The following RCBTB2 variants were observed in gnomAD, a reference collection of about 807,000 sequenced individuals.
RCBTB2 encodes RCC1 and BTB domain-containing protein 2.
In RCBTB2, 55 loss-of-function variants were observed where a neutral mutation model predicts 65.4. That is an observed-to-expected ratio of 0.84 (90% CI 0.68 to 1.05). The LOEUF (loss-of-function observed/expected upper bound fraction) is 1.05, where lower values mean the gene tolerates loss of function less well. Among genes scored for constraint, RCBTB2 ranks in the 50% least tolerant of loss-of-function variants. The pLI, the probability that RCBTB2 is intolerant of heterozygous loss-of-function variation, is 0.00. For synonymous variants in RCBTB2, 220 were observed against 255.2 expected, an observed-to-expected ratio of 0.86 and a Z score of 1.31; for missense variants, 599 against 680.1, an observed-to-expected ratio of 0.88 and a Z score of 1.33.
chr13:48,527,713 G>C (rs905607426), intron 1 of RCBTB2, among the ~76,000 whole-genome samples: 1 of 151,938 alleles, frequency 6.6e-6, no homozygotes, highest in Admixed American at 6.6e-5. Flanking sequence ...CTAATTGTAC[G>C]GTTCACTAAT....
At chr13:48,526,716 G>C (rs1298787764) in intron 1 of RCBTB2, among the ~76,000 whole-genome samples, 1 of 150,268 alleles carries the variant, frequency 6.7e-6, no homozygotes, top group Non-Finnish European at 1.5e-5. Context: ...GAAGTTTGGA[G>C]ACCAGCCTGG....
intron 1 of RCBTB2, chr13:48,532,429 G>C (rs115217624): frequency 1.3e-5 from 2 of 152,550 alleles, no homozygotes. Flanking sequence ...GCCGGTGCCC[G>C]GGACCTGGGG....
Position 48,490,047 on chromosome 13 carries a change from A to T in RCBTB2, c.*64T>A. The T allele has an allele frequency of 6.5e-7, 1 of 1,526,820 alleles. No homozygotes were observed. Among genetic ancestry groups the T allele is most frequent in the Non-Finnish European group, 9.1e-7 (1 of 1,102,236 alleles). The allele number at this position is 1,526,820 out of a possible 1,614,324, so 94.6% of individuals were successfully genotyped here. Reference sequence around the variant, plus strand: ...TCATACATACTATTAATTAAAGAGAAGTGATTCATCTCTGGCTTTTGCAGG... The same window carrying T: ...TCATACATACTATTAATTAAAGAGATGTGATTCATCTCTGGCTTTTGCAGG... On this transcript the variant is annotated 3_prime_UTR_variant, in exon 15 of 15. Coordinates refer to ENST00000344532, the MANE Select transcript of RCBTB2 (RefSeq NM_001268.4).
At chr13:48,495,089 GTC>G (rs1205585645) in intron 14 of RCBTB2, among the ~76,000 whole-genome samples, 8 of 152,054 alleles carry the variant, frequency 5.3e-5, no homozygotes, top group Non-Finnish European at 7.4e-5. Flanking sequence ...CTACTAAAAT[GTC>G]TCTGTTTTCT....
At chr13:48,532,966 A>G (rs1052350705) in intron 1 of RCBTB2, 62 bp downstream of exon 1, 2 of 455,248 alleles carry the variant, frequency 4.4e-6, no homozygotes, top group Admixed American at 2.4e-5. Flanking sequence ...GGTACCTGAC[A>G]GCATCCCACG....
rs9332075 is a variant in RCBTB2 at position 48,490,223 on chromosome 13, C to G, written c.1544G>C (p.Cys515Ser). ...QDLEEFCFRF[C>S]INHLTVVTQT... ...TGTTACTACAGTCAGATGGTTTATG[C>G]AAAACCTGAAGCAGAATTCTTCTAA... The change falls in exon 15 of 15, where the codon TGC (cysteine) becomes TCC (serine). Residue 515 changes from cysteine (C) to serine (S), a missense_variant. Cys to Ser is a moderately radical substitution (Grantham distance 112). Coordinates refer to ENST00000344532, the MANE Select transcript of RCBTB2 (RefSeq NM_001268.4). 1.9e-6 allele frequency: 3 copies of G among 1,613,214 alleles called. No individual in the cohort carries two copies. Among genetic ancestry groups the G allele is most frequent in the Admixed American group, 1.7e-5 (1 of 59,962 alleles).
chr13:48,508,913 G>A (rs1950639489), intron 10 of RCBTB2, among the ~76,000 whole-genome samples: 1 of 152,176 alleles, frequency 6.6e-6, no homozygotes, highest in Middle Eastern at 3.2e-3. Context: ...AGCCTTGGGT[G>A]ATCATTCTGG....
At chr13:48,530,454 A>C (rs1003991796) in intron 1 of RCBTB2, among the ~76,000 whole-genome samples, 1 of 152,220 alleles carries the variant, frequency 6.6e-6, no homozygotes, top group Admixed American at 6.5e-5. Flanking sequence ...ATTCCTCTCC[A>C]TCACCCTCTT....
Position 48,527,361 on chromosome 13 carries a change from T to TGATATATATATATGATATA in RCBTB2, c.-218-2605_-218-2604insTATATCATATATATATATC. Among the ~76,000 whole-genome samples the TGATATATATATATGATATA allele has an allele frequency of 4.4e-4, 49 of 112,422 alleles. 2 individuals are homozygous for TGATATATATATATGATATA. The highest frequency in any genetic ancestry group is 2.5e-3 in the African/African-American group (45 of 18,096). 73.8% of individuals were successfully genotyped at this position (112,422 alleles called of 152,430 possible). A position where few individuals can be genotyped will look rare whatever the true frequency, so the allele number is the denominator to read the frequency against. On this transcript the variant is annotated intron_variant, in intron 1 of 14. Coordinates refer to ENST00000344532, the MANE Select transcript of RCBTB2 (RefSeq NM_001268.4). ...TGATATATATATATATGATATATAT[T>TGATATATATATATGATATA]TATATATGATATATATATATGATAT...
intron 9 of RCBTB2, 110 bp downstream of exon 9, chr13:48,511,660 C>G (rs957553285): frequency 1.1e-6 from 1 of 887,534 alleles, no homozygotes; most frequent in Non-Finnish European, 1.7e-6. Context: ...ATGAAGACAT[C>G]CAAGCAGCTA....
chr13:48,510,212 A>C (rs1160512850), intron 10 of RCBTB2, among the ~76,000 whole-genome samples: 1 of 152,220 alleles, frequency 6.6e-6, no homozygotes, highest in Non-Finnish European at 1.5e-5. Flanking sequence ...ATTTCCATGT[A>C]GCTGAGTGAC....
upstream of RCBTB2, among the ~76,000 whole-genome samples, chr13:48,535,252 CCT>C (rs925168630): frequency 1.3e-5 from 2 of 150,606 alleles, no homozygotes; most frequent in Non-Finnish European, 3.0e-5. Context: ...TCCTATTCAT[CCT>C]CTTTTTTTTT....
intron 4 of RCBTB2, among the ~76,000 whole-genome samples, chr13:48,519,082 A>C (rs9331978): frequency 0.036 from 5,514 of 152,202 alleles, 341 homozygotes; most frequent in African/African-American, 0.13. Flanking sequence ...GCACAGGGAG[A>C]CTAAGTAATC....
At chr13:48,532,050 G>A (rs888358678) in intron 1 of RCBTB2, 2 of 152,230 alleles carry the variant, frequency 1.3e-5, no homozygotes, top group African/African-American at 4.8e-5. Context: ...CTCTGACAAG[G>A]TAAGTCGCCA....
Position 48,490,150 on chromosome 13 carries a change from A to G in RCBTB2, c.1617T>C (p.Phe539=), listed in dbSNP as rs201477264. 1 of 1,614,146 alleles carries G rather than the reference A, an allele frequency of 6.2e-7. No individual in the cohort carries two copies. Among genetic ancestry groups the G allele is most frequent in the Non-Finnish European group, 8.5e-7 (1 of 1,179,992 alleles). The change falls in exon 15 of 15, where the codon TTT becomes TTC. Residue 539 remains phenylalanine (F), a synonymous_variant. Coordinates refer to ENST00000344532, the MANE Select transcript of RCBTB2 (RefSeq NM_001268.4). The part of the protein sequence containing the change: ...AEMDHDLLKN[F]ISKASRVGAF... ...CTCCAACTCTGCTTGCTTTGCTGATAAAGTTCTTCAGGAGATCATGGTCCA... is the reference window on the plus strand; with the variant it reads ...CTCCAACTCTGCTTGCTTTGCTGATGAAGTTCTTCAGGAGATCATGGTCCA...
At chr13:48,515,489 T>C (rs1593734303) in intron 5 of RCBTB2, 97 bp downstream of exon 5, 7 of 1,388,436 alleles carry the variant, frequency 5.0e-6, no homozygotes, top group East Asian at 2.3e-5. Flanking sequence ...CCATGCTTTT[T>C]TTTTTAACCT....
chr13:48,506,855 C>T (rs1950530471), intron 10 of RCBTB2, among the ~76,000 whole-genome samples: 1 of 152,236 alleles, frequency 6.6e-6, no homozygotes, highest in Non-Finnish European at 1.5e-5. Context: ...GGAATCATTT[C>T]TGTGTCCTTT....
chr13:48,493,274 ACC>A (rs1309931208), intron 14 of RCBTB2, among the ~76,000 whole-genome samples: 3 of 64,998 alleles, frequency 4.6e-5, no homozygotes, highest in South Asian at 9.3e-4. Flanking sequence ...TCTCTCTCTC[ACC>A]CTCTCTCTCT....
chr13:48,517,051 T>C (rs1951130525), intron 4 of RCBTB2, among the ~76,000 whole-genome samples: 1 of 152,244 alleles, frequency 6.6e-6, no homozygotes, highest in Non-Finnish European at 1.5e-5. Flanking sequence ...GACTATCCAC[T>C]TACCTTCTAC....
Sources: gnomAD v4.1 joint callset for allele counts (sites outside exome capture counted in the v4.1 genomes callset) on GRCh38, gnomAD v4.1.1 for gene constraint, MANE v1.5 for transcripts, NCBI Gene and HGNC (gene_info 2026-07-23, HGNC 2026-07-21) for gene names.